Variants in SESN3 observed in about 807,000 individuals in gnomAD.
SESN3 encodes sestrin 3, also known as sestrin-3.
A neutral mutation model predicts 55.3 loss-of-function variants in SESN3; 21 were observed. The ratio of observed to expected loss-of-function variants is 0.38; its 90% CI spans 0.27 to 0.55. The LOEUF is 0.55. SESN3 is among the 20% of genes least tolerant of loss of function. The pLI, the probability that SESN3 is intolerant of heterozygous loss-of-function variation, is 0.76. For synonymous variants in SESN3, 181 were observed against 203.1 expected (o/e 0.89, Z 0.93); for missense variants, 408 against 604.3 (o/e 0.68, Z 3.41).
intron 1 of SESN3, among the ~76,000 whole-genome samples, chr11:95,223,931 A>G (rs1235085718): frequency 6.6e-6 from 1 of 152,226 alleles, no homozygotes; most frequent in East Asian, 1.9e-4. Context: ...AAACTCTGAA[A>G]TGTTTAATTC....
intron 1 of SESN3, among the ~76,000 whole-genome samples, chr11:95,203,344 ACTT>A (rs372065729): frequency 7.6e-4 from 116 of 152,304 alleles, no homozygotes; most frequent in African/African-American, 2.6e-3. Context: ...GGAAACCAGT[ACTT>A]CTTTACGCAC....
At chr11:95,219,285 T>A (rs189457693) in intron 1 of SESN3, among the ~76,000 whole-genome samples, 2 of 152,202 alleles carry the variant, frequency 1.3e-5, no homozygotes, top group African/African-American at 2.4e-5. Flanking sequence ...TGCTAAGGTA[T>A]CTTACTTTAG....
chr11:95,200,365 A>C (rs1193873451), intron 1 of SESN3, among the ~76,000 whole-genome samples: 3 of 152,138 alleles, frequency 2.0e-5, no homozygotes, highest in South Asian at 4.1e-4. Flanking sequence ...GATAATTTTT[A>C]AAAATGTGAC....
At chr11:95,185,643 T>C (rs1860149036) in intron 4 of SESN3, 151 bp from the exon 5 acceptor site, 1 of 612,270 alleles carries the variant, frequency 1.6e-6, no homozygotes, top group Admixed American at 2.9e-5. Flanking sequence ...AAAGATATGA[T>C]TTTGGCCAAT....
rs1410886768 is a variant in SESN3 at position 95,172,572 on chromosome 11, C to T, written c.*683G>A. Reference sequence around the variant, plus strand: ...ATAGCTGAATTTGGCATTTCAGTAGCATGCTATAGAATTCATCATGATTAA... The same window carrying T: ...ATAGCTGAATTTGGCATTTCAGTAGTATGCTATAGAATTCATCATGATTAA... On this transcript the variant is annotated 3_prime_UTR_variant, in exon 10 of 10. Coordinates refer to ENST00000536441, the MANE Select transcript of SESN3 (RefSeq NM_144665.4). 1 of 152,154 alleles carries T rather than the reference C, an allele frequency of 6.6e-6. No individual in the cohort carries two copies. The highest frequency in any genetic ancestry group is 1.5e-5 in the Non-Finnish European group (1 of 68,018). 9.4% of individuals were successfully genotyped at this position (152,154 alleles called of 1,614,324 possible). A position where few individuals can be genotyped will look rare whatever the true frequency, so the allele number is the denominator to read the frequency against.
intron 1 of SESN3, among the ~76,000 whole-genome samples, chr11:95,198,888 G>A (rs1378787545): frequency 6.6e-6 from 1 of 151,392 alleles, no homozygotes; most frequent in Non-Finnish European, 1.5e-5. Flanking sequence ...ATATAAAATG[G>A]CTACAAAATC....
In SESN3 at chr11:95,194,848, A is replaced by G. The variant is rs150527538; in HGVS notation, c.79-1326T>C. 2.9e-3 allele frequency among the ~76,000 whole-genome samples: 442 copies of G among 152,246 alleles called. 4 individuals carry two copies. Among genetic ancestry groups the G allele is most frequent in the African/African-American group, 9.8e-3 (407 of 41,542 alleles). On this transcript the variant is annotated intron_variant, in intron 1 of 9. Coordinates refer to ENST00000536441, the MANE Select transcript of SESN3 (RefSeq NM_144665.4). ...TTTCGAACACTCTCTGTATAACTCA[A>G]TGAACTACAAGGTTAAAGTAAGCTA... is the stretch of plus-strand genomic sequence containing the variant.
intron 1 of SESN3, among the ~76,000 whole-genome samples, chr11:95,221,972 T>A (rs1190627309): frequency 6.6e-6 from 1 of 152,164 alleles, no homozygotes; most frequent in Non-Finnish European, 1.5e-5. Context: ...CATAGCTGGT[T>A]TGGGAGACTT....
chr11:95,208,303 T>C (rs1456664448), intron 1 of SESN3, among the ~76,000 whole-genome samples: 1 of 151,652 alleles, frequency 6.6e-6, no homozygotes, highest in East Asian at 1.9e-4. Context: ...CACGAAGTAT[T>C]ACTGGTCCTG....
At chr11:95,209,742 C>A (rs780637918) in intron 1 of SESN3, among the ~76,000 whole-genome samples, 47 of 151,042 alleles carry the variant, frequency 3.1e-4, no homozygotes, top group Non-Finnish European at 5.9e-4. Context: ...TTTGGCCAGG[C>A]GTGGTGGCTC....
intron 1 of SESN3, among the ~76,000 whole-genome samples, chr11:95,229,983 C>A (rs562864510): frequency 1.3e-5 from 2 of 152,168 alleles, no homozygotes; most frequent in African/African-American, 2.4e-5. Context: ...CCCTTCCCCG[C>A]GGGGCGATTA....
At chr11:95,210,714 G>C (rs1182426369) in intron 1 of SESN3, among the ~76,000 whole-genome samples, 1 of 152,010 alleles carries the variant, frequency 6.6e-6, no homozygotes, top group Non-Finnish European at 1.5e-5. Context: ...AAAACAGAAA[G>C]GAAGACTAAA....
intron 1 of SESN3, among the ~76,000 whole-genome samples, chr11:95,215,649 T>C (rs1860738344): frequency 6.6e-6 from 1 of 152,122 alleles, no homozygotes; most frequent in Non-Finnish European, 1.5e-5. Context: ...CAAACAAATA[T>C]CTATCATAAA....
chr11:95,193,455 ACTTC>A lies in SESN3; in HGVS notation c.142_144+1del. ...TTTATATTTTAAGACAGATAAACTTACTTCCTTCTCTGGAATAAAGGCACTTGGT... is the reference window on the plus strand; with the variant it reads ...TTTATATTTTAAGACAGATAAACTTACTTCTCTGGAATAAAGGCACTTGGT... On this transcript the variant is annotated splice_donor_variant and coding_sequence_variant, in exon 2 of 10. Coordinates refer to ENST00000536441, the MANE Select transcript of SESN3 (RefSeq NM_144665.4). LOFTEE classifies it high-confidence loss of function. 2 of 1,515,396 alleles carry A rather than the reference ACTTC, an allele frequency of 1.3e-6. No individual in the cohort carries two copies. The highest frequency in any genetic ancestry group is 1.8e-6 in the Non-Finnish European group (2 of 1,092,066). 93.9% of individuals were successfully genotyped at this position (1,515,396 alleles called of 1,614,324 possible).
rs78754097 is a variant in SESN3, at chr11:95,173,189, T to C, written c.*66A>G. ...ATAATTTTTGATGCTATATCACAAATAGCTTCAATGTTTATCTTATGTGAA... is the reference window on the plus strand; with the variant it reads ...ATAATTTTTGATGCTATATCACAAACAGCTTCAATGTTTATCTTATGTGAA... On this transcript the variant is annotated 3_prime_UTR_variant, in exon 10 of 10. Coordinates refer to ENST00000536441, the MANE Select transcript of SESN3 (RefSeq NM_144665.4). 5.3e-5 allele frequency: 48 copies of C among 911,244 alleles called. No individual in the cohort carries two copies. The African/African-American group carries it at 7.3e-4, about 14-fold the overall frequency. 56.4% of individuals were successfully genotyped at this position (911,244 alleles called of 1,614,324 possible).
chr11:95,218,458 G>T (rs2134263768), intron 1 of SESN3, among the ~76,000 whole-genome samples: 1 of 152,306 alleles, frequency 6.6e-6, no homozygotes, highest in African/African-American at 2.4e-5. Context: ...ACTAATTAAA[G>T]ATATTCATAT....
intron 1 of SESN3, among the ~76,000 whole-genome samples, chr11:95,215,225 TC>T (rs1198145357): frequency 7.8e-6 from 1 of 128,020 alleles, no homozygotes; most frequent in African/African-American, 2.9e-5. Context: ...TTGGGTCCCA[TC>T]CCCAGAATTT....
At chr11:95,231,717 C>G (rs1316954110), upstream of SESN3, 3 of 152,234 alleles carry the variant, frequency 2.0e-5, no homozygotes, top group African/African-American at 7.2e-5. Context: ...GTTAGGCTTT[C>G]TCTCCACCAA....
chr11:95,196,584 C>T (rs1394861045), intron 1 of SESN3, among the ~76,000 whole-genome samples: 2 of 152,042 alleles, frequency 1.3e-5, no homozygotes, highest in Non-Finnish European at 2.9e-5. Flanking sequence ...ACTAACTTTT[C>T]TAAAGTCTCT....
Sources: gnomAD v4.1 joint callset for allele counts (sites outside exome capture counted in the v4.1 genomes callset) on GRCh38, gnomAD v4.1.1 for gene constraint, MANE v1.5 for transcripts, NCBI Gene and HGNC (gene_info 2026-07-23, HGNC 2026-07-21) for gene names.